The following ESCO2 variants were observed in gnomAD, a reference collection of about 807,000 sequenced individuals.
ESCO2 encodes establishment of sister chromatid cohesion N-acetyltransferase 2.
A neutral mutation model predicts 61.7 loss-of-function variants in ESCO2; 51 were observed. The ratio of observed to expected loss-of-function variants is 0.83; its 90% CI spans 0.66 to 1.04. The LOEUF (loss-of-function observed/expected upper bound fraction) is 1.04. Among genes scored for constraint, ESCO2 ranks in the 50% least tolerant of loss-of-function variants. The pLI, the probability that ESCO2 is intolerant of heterozygous loss-of-function variation, is 0.00. For synonymous variants in ESCO2, 230 were observed against 238.2 expected (o/e 0.97, Z 0.32); for missense variants, 692 against 686.2 (o/e 1.01, Z -0.09).
At chr8:27,812,624 GAAAAAAAA>G (rs34477454), downstream of ESCO2, 2 of 124,632 alleles carry the variant, frequency 1.6e-5, no homozygotes, top group African/African-American at 5.9e-5. Flanking sequence ...AAATTTACAA[GAAAAAAAA>G]AAAAAAAAAC....
At chr8:27,790,501 A>G (rs1215306286) in intron 7 of ESCO2, among the ~76,000 whole-genome samples, 2 of 152,116 alleles carry the variant, frequency 1.3e-5, no homozygotes, top group African/African-American at 4.8e-5. Flanking sequence ...TTCTGCATAT[A>G]CAAGCAAATA....
intron 3 of ESCO2, chr8:27,777,761 C>T (rs1312218540): frequency 6.6e-6 from 1 of 152,318 alleles, no homozygotes; most frequent in African/African-American, 2.4e-5. Flanking sequence ...TTGAAGCAAC[C>T]TTAAGAGAGG....
chr8:27,802,673 TA>T (rs1805475422), intron 10 of ESCO2, among the ~76,000 whole-genome samples: 1 of 126,672 alleles, frequency 7.9e-6, no homozygotes, highest in Admixed American at 8.2e-5. Context: ...TATATATATA[TA>T]GTTACTGCTT....
At chr8:27,792,952 G>A (rs1232616738) in intron 9 of ESCO2, 141 bp downstream of exon 9, 1 of 998,562 alleles carries the variant, frequency 1.0e-6, no homozygotes, top group East Asian at 2.7e-5. Flanking sequence ...GATAATTGAA[G>A]TTATTTATTT....
At chr8:27,786,071 G>C (rs1264101998) in intron 5 of ESCO2, among the ~76,000 whole-genome samples, 3 of 152,144 alleles carry the variant, frequency 2.0e-5, no homozygotes, top group Admixed American at 2.0e-4. Context: ...CCTAGCAAAG[G>C]CTGCATAAGG....
intron 4 of ESCO2, among the ~76,000 whole-genome samples, chr8:27,783,352 A>G (rs1804966036): frequency 6.6e-6 from 1 of 152,162 alleles, no homozygotes; most frequent in Non-Finnish European, 1.5e-5. Flanking sequence ...AGCATTCTTT[A>G]TATATTCTGG....
downstream of ESCO2, among the ~76,000 whole-genome samples, chr8:27,816,634 C>T (rs555917490): frequency 4.8e-4 from 73 of 151,914 alleles, no homozygotes; most frequent in African/African-American, 1.7e-3. Flanking sequence ...CCTCGGCCTC[C>T]CAAAGTGCTG....
intron 5 of ESCO2, among the ~76,000 whole-genome samples, chr8:27,787,485 T>G (rs762979988): frequency 2.0e-5 from 3 of 152,176 alleles, no homozygotes; most frequent in Non-Finnish European, 2.9e-5. Context: ...ATACTTATTT[T>G]CTCCAGTACC....
chr8:27,811,632 C>T (rs1805686401), downstream of ESCO2, among the ~76,000 whole-genome samples: 1 of 152,156 alleles, frequency 6.6e-6, no homozygotes. Context: ...GAAATAGGTC[C>T]ACTCACATTT....
chr8:27,795,822 G>T (rs28816383), intron 9 of ESCO2, among the ~76,000 whole-genome samples: 1 of 152,012 alleles, frequency 6.6e-6, no homozygotes, highest in African/African-American at 2.4e-5. Flanking sequence ...AGCCATCCTT[G>T]CATCCAGGGA....
intron 6 of ESCO2, 149 bp from the exon 7 acceptor site, chr8:27,788,698 T>C (rs565719011): frequency 1.6e-5 from 14 of 893,986 alleles, no homozygotes; most frequent in South Asian, 1.5e-4. Flanking sequence ...GGAAGGAGGA[T>C]ATGGTAACCA....
chr8:27,816,355 A>ATATATATATATATT (rs1024094999), downstream of ESCO2, among the ~76,000 whole-genome samples: 22 of 140,942 alleles, frequency 1.6e-4, no homozygotes, highest in African/African-American at 5.4e-4. Context: ...ATATATATAT[A>ATATATATATATATT]TATTTATTTA....
At chr8:27,772,590 T>C, upstream of ESCO2, 1 of 1,535,746 alleles carries the variant, frequency 6.5e-7, no homozygotes, top group Non-Finnish European at 8.8e-7. Flanking sequence ...AGCGCTCAAC[T>C]CACGAAGCTC....
At chr8:27,772,708 T>C (rs998288472), upstream of ESCO2, 2 of 632,344 alleles carry the variant, frequency 3.2e-6, no homozygotes, top group Non-Finnish European at 2.8e-6. Context: ...TTTTTAATCC[T>C]GGCGAGGCGA....
chr8:27,792,005 A>G lies in ESCO2; in HGVS notation c.1306A>G (p.Lys436Glu). 1 of 1,614,042 alleles carries G rather than the reference A, an allele frequency of 6.2e-7. No homozygotes were observed. The highest frequency in any genetic ancestry group is 8.5e-7 in the Non-Finnish European group (1 of 1,179,984). Residue 436 changes from lysine (K) to glutamate (E), a missense_variant, in exon 8 of 11, where the codon AAA becomes GAA. Transcript: ENST00000305188. ...TGTAGTAGCAGAGTTTTGGGATGGGAAAATCGTGTTGGTTCTGCCACATGA... is the reference window on the plus strand; with the variant it reads ...TGTAGTAGCAGAGTTTTGGGATGGGGAAATCGTGTTGGTTCTGCCACATGA... ...ERVVAEFWDG[K>E]IVLVLPHDPS... is the part of the protein sequence containing the mutation.
chr8:27,800,387 T>C (rs1251296891), intron 10 of ESCO2, among the ~76,000 whole-genome samples: 1 of 152,200 alleles, frequency 6.6e-6, no homozygotes, highest in East Asian at 1.9e-4. Context: ...ATGCTCAACA[T>C]CTTTATCAGG....
rs1805511485 is a variant in ESCO2 at position 27,804,009 on chromosome 8, T to C, written c.*571T>C. On this transcript the variant is annotated 3_prime_UTR_variant, in exon 11 of 11. Coordinates refer to ENST00000305188, the MANE Select transcript of ESCO2 (RefSeq NM_001017420.3). ...TCCCAAAACGCTGGGATTACAGTCA[T>C]GAGCCACCGTGCCCAGCCTAATTCC... 5.1e-6 allele frequency: 5 copies of C among 987,092 alleles called. No homozygotes were observed. In the South Asian group the frequency reaches 1.4e-4, roughly 28 times the overall value. The allele number at this position is 987,092 out of a possible 1,614,324, so 61.1% of individuals were successfully genotyped here.
chr8:27,810,400 T>G, downstream of ESCO2: 1 of 1,607,972 alleles, frequency 6.2e-7, no homozygotes, highest in East Asian at 2.2e-5. Flanking sequence ...TCAATTACTT[T>G]CTGGTATGAT....
intron 7 of ESCO2, among the ~76,000 whole-genome samples, chr8:27,790,908 T>C (rs1218459343): frequency 6.6e-6 from 1 of 152,216 alleles, no homozygotes; most frequent in Non-Finnish European, 1.5e-5. Context: ...TGCCATACTT[T>C]TATAAATGTA....
Sources: allele counts gnomAD v4.1 joint callset (sites outside exome capture counted in the v4.1 genomes callset), GRCh38; gene constraint gnomAD v4.1.1; transcripts MANE v1.5; gene names NCBI Gene and HGNC (gene_info 2026-07-23, HGNC 2026-07-21).